The following TRIM46 variants were observed in gnomAD, a reference collection of about 807,000 sequenced individuals.
The protein encoded by TRIM46 is tripartite motif containing 46.
A neutral mutation model predicts 69.7 loss-of-function variants in TRIM46; 17 were observed. The ratio of observed to expected loss-of-function variants is 0.24; its 90% CI spans 0.17 to 0.37. TRIM46 has a LOEUF of 0.37. Ranked by LOEUF, TRIM46 falls within the 10% of genes least tolerant of loss-of-function variation. The probability of loss-of-function intolerance (pLI) is 1.00; values close to 1 mark genes in which losing one functional copy is unlikely to be tolerated. For synonymous variants in TRIM46, 391 were observed against 429.0 expected (o/e 0.91, Z 1.09); for missense variants, 675 against 1,025.1 (o/e 0.66, Z 4.66).
chr1:155,183,428 T>C (rs1666330099), intron 9 of TRIM46, among the ~76,000 whole-genome samples: 1 of 151,944 alleles, frequency 6.6e-6, no homozygotes, highest in South Asian at 2.1e-4. Context: ...CCAACATCCT[T>C]TCTCTTCTTA....
At chr1:155,183,717 A>G (rs772474221) in intron 9 of TRIM46, 80 bp from the exon 10 acceptor site, 24 of 1,554,046 alleles carry the variant, frequency 1.5e-5, no homozygotes, top group Non-Finnish European at 1.9e-5. Context: ...TTAACATTCC[A>G]TCCTTCCAGC....
intron 8 of TRIM46, among the ~76,000 whole-genome samples, chr1:155,180,815 CAGG>C (rs1666113027): frequency 6.7e-6 from 1 of 149,458 alleles, no homozygotes; most frequent in Non-Finnish European, 1.5e-5. Flanking sequence ...GAGGCTGAGG[CAGG>C]AGAATTGCTT....
At position 155,182,013 on chromosome 1, in the gene TRIM46, G is replaced by A. The variant is rs1462888414; in HGVS notation, c.1750G>A (p.Asp584Asn). The A allele has an allele frequency of 1.9e-6, 3 of 1,613,520 alleles. No homozygotes were observed. Among genetic ancestry groups the A allele is most frequent in the South Asian group, 2.2e-5 (2 of 91,048 alleles). Residue 584 changes from aspartate (D) to asparagine (N), a missense_variant, in exon 9 of 10, where the codon GAC becomes AAC. Physicochemically the swap from Asp to Asn is conservative, Grantham distance 23. Coordinates refer to ENST00000334634, the MANE Select transcript of TRIM46 (RefSeq NM_025058.5). The part of the protein sequence containing the change: ...CHLSVDVVLG[D>N]VAVTQGRSYW... ...CCTGAGTGTGGATGTGGTCCTGGGC[G>A]ACGTGGCTGTGACCCAGGGCCGCAG... is the stretch of plus-strand genomic sequence containing the variant.
intron 7 of TRIM46, among the ~76,000 whole-genome samples, chr1:155,179,357 G>A (rs534071833): frequency 5.3e-5 from 8 of 152,154 alleles, no homozygotes; most frequent in Non-Finnish European, 1.2e-4. Context: ...CCCAGAAAGG[G>A]GAAGTGACTT....
Position 155,178,630 on chromosome 1 carries a change from G to T in TRIM46, c.1285+17G>T. The T allele has an allele frequency of 1.1e-5, 17 of 1,610,554 alleles. No homozygotes were observed. The highest frequency in any genetic ancestry group is 1.4e-5 in the Non-Finnish European group (17 of 1,179,860). On this transcript the variant is annotated intron_variant, in intron 7 of 9. Transcript: ENST00000334634. ...TCCTGCGAGGTAAGGAGATGGCCAG[G>T]CCCCATGCCCAACCAGAGCCTTCTT...
At chr1:155,176,346 C>A in intron 3 of TRIM46, 115 bp downstream of exon 3, 1 of 952,340 alleles carries the variant, frequency 1.1e-6, no homozygotes. Flanking sequence ...CAATGCTAAG[C>A]ACCTATCTCT....
chr1:155,179,688 C>G lies in TRIM46; in HGVS notation c.1342C>G (p.Leu448Val). The change falls in exon 8 of 10, where the codon CTG becomes GTG. Residue 448 changes from leucine (L) to valine (V), a missense_variant. Transcript: ENST00000334634. The stretch of plus-strand genomic sequence containing the variant: ...CACCTTTGCCTATGATCAGATCTTC[C>G]TGTGCTGGCGGCTGCCCCCCCATTC... ...QRTFAYDQIF[L>V]CWRLPPHSPP... 6.2e-7 allele frequency: 1 copy of G among 1,613,454 alleles called. No homozygotes were observed. Among genetic ancestry groups the G allele is most frequent in the Middle Eastern group, 1.6e-4 (1 of 6,062 alleles).
chr1:155,175,038 A>G lies in TRIM46; in HGVS notation c.64-348A>G. ...CTGCAGAATGGGCGGTGTCCTTGAG[A>G]AAAATGCCAGGGGCAAGCTGCCCAG... is the stretch of plus-strand genomic sequence containing the variant. On this transcript the variant is annotated intron_variant, in intron 1 of 9. Coordinates refer to ENST00000334634, the MANE Select transcript of TRIM46 (RefSeq NM_025058.5). This position sits in a 1 kb window ranked among gnomAD's most constrained non-coding sequence, Gnocchi z 4.2. 7.3e-7 allele frequency: 1 copy of G among 1,367,330 alleles called. No individual in the cohort carries two copies. Among genetic ancestry groups the G allele is most frequent in the Non-Finnish European group, 9.4e-7 (1 of 1,067,560 alleles). 84.7% of individuals were successfully genotyped at this position (1,367,330 alleles called of 1,614,324 possible).
chr1:155,174,095 G>A, intron 1 of TRIM46, 66 bp downstream of exon 1: 4 of 1,497,536 alleles, frequency 2.7e-6, no homozygotes, highest in Non-Finnish European at 3.6e-6. Context: ...GCTGGGACCT[G>A]GAACAGGTGG....
chr1:155,175,543 G>A lies in TRIM46; in HGVS notation c.221G>A (p.Ser74Asn), dbSNP rs1405779129. The A allele has an allele frequency of 6.2e-7, 1 of 1,613,756 alleles. No individual in the cohort carries two copies. The highest frequency in any genetic ancestry group is 1.3e-5 in the African/African-American group (1 of 74,908). The stretch of plus-strand genomic sequence containing the variant: ...TACATAGGACATGGTGGGGACCCCA[G>A]CTCCGAGCCCACCTCTCCTGCCTCC... ...QGYIGHGGDP[S>N]SEPTSPASTP... is the part of the protein sequence containing the mutation. The change falls in exon 2 of 10, where the codon AGC becomes AAC. Residue 74 changes from serine to asparagine, a missense_variant. Physicochemically the swap from Ser to Asn is conservative, Grantham distance 46. Around this residue, in one of 5 missense-constraint regions of TRIM46, gnomAD observed 170 missense variants for 255.6 expected, o/e 0.67. Transcript: ENST00000334634. The surrounding 1 kb of genome is among the most constrained non-coding windows in gnomAD (Gnocchi z 4.2).
rs754195300 is a variant in TRIM46 at position 155,175,750 on chromosome 1, G to C, written c.325+103G>C. ...CAGAGGCATCTGTCTGTCTTTCTGG[G>C]GGGTGGAGATACTGCTTACGCAGGC... On this transcript the variant is annotated intron_variant, in intron 2 of 9. Coordinates refer to ENST00000334634, the MANE Select transcript of TRIM46 (RefSeq NM_025058.5). The surrounding 1 kb of genome is among the most constrained non-coding windows in gnomAD (Gnocchi z 4.2). 5 of 1,597,242 alleles carry C rather than the reference G, an allele frequency of 3.1e-6. No individual in the cohort carries two copies. Among genetic ancestry groups the C allele is most frequent in the Non-Finnish European group, 4.3e-6 (5 of 1,169,316 alleles).
Position 155,181,859 on chromosome 1 carries a change from CT to C in TRIM46, c.1598del (p.Phe533SerfsTer39). 1 of 1,610,538 alleles carries C rather than the reference CT, an allele frequency of 6.2e-7. No individual in the cohort carries two copies. On this transcript the variant is annotated frameshift_variant, in exon 9 of 10. Transcript: ENST00000334634. LOFTEE classifies it high-confidence loss of function. The surrounding 1 kb of genome is among the most constrained non-coding windows in gnomAD (Gnocchi z 4.3). ...CCCTCTCCCTCCTTCCAGTCCTGCACTTCTTCCTCGATAGCCGCTGGGGCGC... is the reference window on the plus strand; with the variant it reads ...CCCTCTCCCTCCTTCCAGTCCTGCACTCTTCCTCGATAGCCGCTGGGGCGC... Reference protein sequence around the residue: ...LHTPPAPVLHFFLDSRWGASR... With the variant: ...LHTPPAPVLHXFLDSRWGASR...
chr1:155,174,799 G>T, intron 1 of TRIM46: 1 of 1,455,818 alleles, frequency 6.9e-7, no homozygotes, highest in South Asian at 1.4e-5. Context: ...CTGCGGGAGA[G>T]GGCGGGAGGG....
intron 9 of TRIM46, 152 bp from the exon 10 acceptor site, chr1:155,183,645 C>T: frequency 1.0e-6 from 1 of 988,968 alleles, no homozygotes; most frequent in Non-Finnish European, 1.5e-6. Flanking sequence ...TATACTCTAA[C>T]CCCTGCCTCT....
rs1186540138 is a variant in TRIM46 at position 155,181,481 on chromosome 1, T to G, written c.1589-371T>G. 6.6e-6 allele frequency among the ~76,000 whole-genome samples: 1 copy of G among 152,076 alleles called. No homozygotes were observed. Among genetic ancestry groups the G allele is most frequent in the Admixed American group, 6.6e-5 (1 of 15,266 alleles). Reference sequence around the variant, plus strand: ...CCAGGTGTGAACCCAGAGTATGGGCTGGAAGGCACAGATTGATGGTGATGG... The same window carrying G: ...CCAGGTGTGAACCCAGAGTATGGGCGGGAAGGCACAGATTGATGGTGATGG... On this transcript the variant is annotated intron_variant, in intron 8 of 9. Transcript: ENST00000334634. The surrounding 1 kb of genome is among the most constrained non-coding windows in gnomAD (Gnocchi z 4.3).
Position 155,181,069 on chromosome 1 carries a change from C to T in TRIM46, c.1589-783C>T, listed in dbSNP as rs1171856812. Reference sequence around the variant, plus strand: ...CCAACATAGTGAAACCCCGTCTCTACTAAAAATGAAAATGAAAATAATTAG... The same window carrying T: ...CCAACATAGTGAAACCCCGTCTCTATTAAAAATGAAAATGAAAATAATTAG... On this transcript the variant is annotated intron_variant, in intron 8 of 9. Coordinates refer to ENST00000334634, the MANE Select transcript of TRIM46 (RefSeq NM_025058.5). This position sits in a 1 kb window ranked among gnomAD's most constrained non-coding sequence, Gnocchi z 4.3. Among the ~76,000 whole-genome samples, 1 of 151,802 alleles carries T rather than the reference C, an allele frequency of 6.6e-6. No homozygotes were observed. The highest frequency in any genetic ancestry group is 1.5e-5 in the Non-Finnish European group (1 of 67,978).
intron 3 of TRIM46, 89 bp from the exon 4 acceptor site, chr1:155,176,843 T>A: frequency 6.6e-7 from 1 of 1,518,402 alleles, no homozygotes; most frequent in Non-Finnish European, 9.0e-7. Flanking sequence ...ATCTTGCCAG[T>A]GGAGGAGGGC....
In TRIM46 at chr1:155,175,494, C is replaced by T; in HGVS notation, c.172C>T (p.Arg58Ter). ...CCACAACGTGTGCCAGGCCTGTGCC[C>T]GAGAGGTCTTGGGCCAGCAGGGCTA... The part of the protein sequence containing the change: ...CTHNVCQACA[R>*]EVLGQQGYIG... The change falls in exon 2 of 10, where the codon CGA (arginine) becomes TGA (stop). Residue 58 changes from arginine to a stop codon, truncating the protein, a stop_gained. Coordinates refer to ENST00000334634, the MANE Select transcript of TRIM46 (RefSeq NM_025058.5). LOFTEE classifies it high-confidence loss of function. The surrounding 1 kb of genome is among the most constrained non-coding windows in gnomAD (Gnocchi z 4.2). 6.2e-7 allele frequency: 1 copy of T among 1,614,114 alleles called. No homozygotes were observed. The highest frequency in any genetic ancestry group is 8.5e-7 in the Non-Finnish European group (1 of 1,179,986).
rs1289338563 is a variant in TRIM46 at position 155,181,793 on chromosome 1, C to G, written c.1589-59C>G. ...CCCTGTTCTGCAGTCTCACAGCCCC[C>G]AGTGCCAGTGTTTGTCCCTGAAGTT... On this transcript the variant is annotated intron_variant, in intron 8 of 9. Coordinates refer to ENST00000334634, the MANE Select transcript of TRIM46 (RefSeq NM_025058.5). The surrounding 1 kb of genome is among the most constrained non-coding windows in gnomAD (Gnocchi z 4.3). 3 of 1,553,942 alleles carry G rather than the reference C, an allele frequency of 1.9e-6. No homozygotes were observed. The Admixed American group carries it at 5.3e-5, about 27-fold the overall frequency.
Sources: allele counts gnomAD v4.1 joint callset (sites outside exome capture counted in the v4.1 genomes callset), GRCh38; gene constraint gnomAD v4.1.1; regional missense constraint gnomAD v4.1.1; non-coding constraint Gnocchi (gnomAD v3.1); transcripts MANE v1.5; gene names NCBI Gene and HGNC (gene_info 2026-07-23, HGNC 2026-07-21).